Variants in CNTN6 observed in about 807,000 individuals in gnomAD.
CNTN6 encodes the protein contactin 6, also known as contactin-6.
Under a neutral mutation model 122.8 loss-of-function variants are expected in CNTN6, and 137 were observed. That is an observed-to-expected ratio of 1.12 (90% CI 0.97 to 1.29). CNTN6 has a LOEUF of 1.29. Among genes scored for constraint, CNTN6 ranks in the 50% most tolerant of loss-of-function variants. CNTN6 has a pLI of 0.00. For synonymous variants in CNTN6, 570 were observed against 426.0 expected (o/e 1.34, Z -4.16); for missense variants, 1,634 against 1,223.4 (o/e 1.34, Z -5.01).
intron 2 of CNTN6, among the ~76,000 whole-genome samples, chr3:1,182,494 G>T (rs763943555): frequency 6.6e-6 from 1 of 152,112 alleles, no homozygotes; most frequent in Non-Finnish European, 1.5e-5. Flanking sequence ...AGGAAAGGAT[G>T]ACAAACATGT....
intron 4 of CNTN6, among the ~76,000 whole-genome samples, chr3:1,267,653 A>G (rs1480588466): frequency 6.6e-6 from 1 of 152,220 alleles, no homozygotes; most frequent in African/African-American, 2.4e-5. Context: ...AAGAGTTTAT[A>G]GTGTCGAATC....
intron 17 of CNTN6, 92 bp from the exon 18 acceptor site, chr3:1,382,850 T>A: frequency 3.5e-6 from 3 of 857,320 alleles, no homozygotes; most frequent in Non-Finnish European, 5.5e-6. Flanking sequence ...TATTTGTCTC[T>A]ATGGAAGAAA....
intron 1 of CNTN6, among the ~76,000 whole-genome samples, chr3:1,145,533 T>C (rs2092706047): frequency 6.6e-6 from 1 of 152,164 alleles, no homozygotes; most frequent in African/African-American, 2.4e-5. Context: ...AAGTGTACCA[T>C]GTAATTTACG....
chr3:1,253,375 GAATA>G (rs992046926), intron 4 of CNTN6, among the ~76,000 whole-genome samples: 2 of 152,038 alleles, frequency 1.3e-5, no homozygotes, highest in South Asian at 2.1e-4. Context: ...CTTTTCCATG[GAATA>G]AATAGTTATT....
chr3:1,332,531 G>GAAGGAAGGAAGC (rs762394172), intron 11 of CNTN6, among the ~76,000 whole-genome samples: 1 of 108,330 alleles, frequency 9.2e-6, no homozygotes, highest in Non-Finnish European at 1.9e-5. Flanking sequence ...AGGAAGGAAG[G>GAAGGAAGGAAGC]AGGGAGGGAA....
chr3:1,288,351 C>A (rs1694708217), intron 5 of CNTN6, among the ~76,000 whole-genome samples: 1 of 152,134 alleles, frequency 6.6e-6, no homozygotes, highest in South Asian at 2.1e-4. Context: ...AGGCACGTTT[C>A]TGGATTACAT....
chr3:1,354,567 T>C (rs1559905059), intron 12 of CNTN6, among the ~76,000 whole-genome samples: 1 of 151,492 alleles, frequency 6.6e-6, no homozygotes, highest in African/African-American at 2.4e-5. Context: ...TTTCTTGTCT[T>C]TTCTTCCCTT....
chr3:1,292,002 A>T (rs1695408503), intron 5 of CNTN6, among the ~76,000 whole-genome samples: 1 of 152,158 alleles, frequency 6.6e-6, no homozygotes, highest in African/African-American at 2.4e-5. Context: ...GTAGAAGCTT[A>T]GGTTTAACCC....
chr3:1,230,273 C>G (rs770669072), intron 4 of CNTN6, among the ~76,000 whole-genome samples: 10 of 152,068 alleles, frequency 6.6e-5, no homozygotes, highest in Non-Finnish European at 8.8e-5. Context: ...GAAATTAGGT[C>G]TTTTCTTAAC....
intron 2 of CNTN6, among the ~76,000 whole-genome samples, chr3:1,189,445 T>C (rs1273632461): frequency 6.6e-6 from 1 of 152,208 alleles, no homozygotes; most frequent in Non-Finnish European, 1.5e-5. Flanking sequence ...TCTTTGGAAT[T>C]TGCAGAAGTT....
chr3:1,281,927 CT>C (rs1201408550), intron 5 of CNTN6, among the ~76,000 whole-genome samples: 5 of 151,540 alleles, frequency 3.3e-5, no homozygotes, highest in African/African-American at 4.9e-5. Flanking sequence ...TTATACAAAA[CT>C]TTTTTTTAAT....
At chr3:1,215,076 T>C (rs41331544) in intron 2 of CNTN6, among the ~76,000 whole-genome samples, 4,642 of 152,320 alleles carry the variant, frequency 0.03, 119 homozygotes, top group Admixed American at 0.056. Context: ...TTTACTTAGC[T>C]TGCTATTTCT....
At chr3:1,158,778 G>A (rs200118480) in intron 2 of CNTN6, among the ~76,000 whole-genome samples, 2 of 51,214 alleles carry the variant, frequency 3.9e-5, no homozygotes, top group Non-Finnish European at 8.4e-5. Context: ...ACATATATAT[G>A]TGTGTATATA....
chr3:1,229,688 AT>A (rs1414400539), intron 4 of CNTN6, among the ~76,000 whole-genome samples: 1 of 152,156 alleles, frequency 6.6e-6, no homozygotes, highest in Non-Finnish European at 1.5e-5. Flanking sequence ...TATTTTGTTT[AT>A]GCCATATCAG....
chr3:1,390,242 CAAGATT>C (rs1693911134), intron 20 of CNTN6, among the ~76,000 whole-genome samples: 2 of 152,070 alleles, frequency 1.3e-5, no homozygotes, highest in African/African-American at 4.8e-5. Flanking sequence ...AACTAGAACT[CAAGATT>C]AAGAATCTCA....
At chr3:1,319,477 A>C (rs1469234880) in intron 7 of CNTN6, among the ~76,000 whole-genome samples, 1 of 151,656 alleles carries the variant, frequency 6.6e-6, no homozygotes, top group Non-Finnish European at 1.5e-5. Flanking sequence ...TAATATTATT[A>C]CAATTATCAT....
intron 20 of CNTN6, among the ~76,000 whole-genome samples, chr3:1,400,186 A>G (rs1467788500): frequency 1.3e-5 from 2 of 152,098 alleles, no homozygotes; most frequent in East Asian, 1.9e-4. Context: ...AGATGCCAAA[A>G]ACATCTTGTT....
At position 1,383,394 on chromosome 3, in the gene CNTN6, G is replaced by C; in HGVS notation, c.2503G>C (p.Val835Leu). Reference protein sequence around the residue: ...AIAWNRNTGRVLGYEVLYWTD... With the variant: ...AIAWNRNTGRLLGYEVLYWTD... ...TGCCTGGAATAGAAACACTGGAAGA[G>C]TGCTGGGCTATGAGGTAATCCACAT... The change falls in exon 19 of 23, where the codon GTG (valine) becomes CTG (leucine). Residue 835 changes from valine (V) to leucine (L), a missense_variant. By Grantham distance (32) the Val-to-Leu change is conservative. Transcript: ENST00000446702. 6.2e-7 allele frequency: 1 copy of C among 1,613,648 alleles called. No individual in the cohort carries two copies. The highest frequency in any genetic ancestry group is 8.5e-7 in the Non-Finnish European group (1 of 1,179,580).
intron 1 of CNTN6, among the ~76,000 whole-genome samples, chr3:1,107,440 C>G (rs2091278833): frequency 6.6e-6 from 1 of 152,034 alleles, no homozygotes; most frequent in Admixed American, 6.6e-5. Context: ...TTGCAATTGC[C>G]ATTCATGTAG....
Sources: gnomAD v4.1 joint callset for allele counts (sites outside exome capture counted in the v4.1 genomes callset) on GRCh38, gnomAD v4.1.1 for gene constraint, MANE v1.5 for transcripts, NCBI Gene and HGNC (gene_info 2026-07-23, HGNC 2026-07-21) for gene names.